SGCD: variants seen among roughly 807,000 people sequenced by gnomAD.
SGCD encodes the protein delta-sarcoglycan.
In SGCD, 18 loss-of-function variants were observed where a neutral mutation model predicts 36.6. The observed-to-expected ratio is 0.49, with a 90% CI of 0.34 to 0.73. SGCD has a LOEUF of 0.73. SGCD is among the 30% of genes least tolerant of loss of function. SGCD has a pLI of 0.01. For missense variants in SGCD, 387 were observed against 346.7 expected, an observed-to-expected ratio of 1.12 and a Z score of -0.92; for synonymous variants, 133 against 130.6, an observed-to-expected ratio of 1.02 and a Z score of -0.12.
At chr5:156,206,405 A>G (rs950711957) in intron 3 of SGCD, among the ~76,000 whole-genome samples, 5 of 152,038 alleles carry the variant, frequency 3.3e-5, no homozygotes, top group Admixed American at 1.3e-4. Flanking sequence ...ATGAATATAT[A>G]TAGAGTATTC....
intron 1 of SGCD, among the ~76,000 whole-genome samples, chr5:156,076,802 G>A (rs777574191): frequency 6.6e-6 from 1 of 152,188 alleles, no homozygotes; most frequent in Non-Finnish European, 1.5e-5. Flanking sequence ...AGGCTGTGTT[G>A]TAGAGCTCCC....
Position 156,234,078 on chromosome 5 carries a change from T to A in SGCD, c.-43-95456T>A, listed in dbSNP as rs1307062245. Reference sequence around the variant, plus strand: ...TTGGTGTTGTCAATGTTATGGACTTTAGCTATTCTAATAGGTGTTCGTTGT... The same window carrying A: ...TTGGTGTTGTCAATGTTATGGACTTAAGCTATTCTAATAGGTGTTCGTTGT... On this transcript the variant is annotated intron_variant, in intron 3 of 9. Transcript: ENST00000517913. Among the ~76,000 whole-genome samples, 4 of 152,340 alleles carry A rather than the reference T, an allele frequency of 2.6e-5. No individual in the cohort carries two copies. In the East Asian group the frequency reaches 7.7e-4, roughly 29 times the overall value.
chr5:156,197,142 G>C (rs1041663853), intron 3 of SGCD, among the ~76,000 whole-genome samples: 2 of 151,924 alleles, frequency 1.3e-5, no homozygotes, highest in Admixed American at 1.3e-4. Context: ...ATAAATCTTC[G>C]CATATATTCT....
At chr5:156,366,305 A>G (rs969248621) in intron 3 of SGCD, among the ~76,000 whole-genome samples, 4 of 152,250 alleles carry the variant, frequency 2.6e-5, no homozygotes, top group African/African-American at 9.6e-5. Context: ...AGAAAGGTTT[A>G]GAAAATTGAG....
chr5:156,507,090 T>G lies in SGCD; in HGVS notation c.193-1511T>G, dbSNP rs145952602. The stretch of plus-strand genomic sequence containing the variant: ...CCTCACTCCACCTCAAAGATGTTCA[T>G]GTATAATCTCAGAACCCATGAATGT... On this transcript the variant is annotated intron_variant, in intron 3 of 8. Coordinates refer to ENST00000337851, the MANE Select transcript of SGCD (RefSeq NM_000337.6). Among the ~76,000 whole-genome samples the G allele has an allele frequency of 1.4e-3, 217 of 152,298 alleles. 1 individual carries two copies. Among genetic ancestry groups the G allele is most frequent in the African/African-American group, 4.9e-3 (205 of 41,576 alleles).
At chr5:155,987,009 G>T (rs368017989) in intron 1 of SGCD, among the ~76,000 whole-genome samples, 1 of 152,074 alleles carries the variant, frequency 6.6e-6, no homozygotes, top group Non-Finnish European at 1.5e-5. Context: ...ATAAACAACC[G>T]TCTTAATGCA....
intron 3 of SGCD, among the ~76,000 whole-genome samples, chr5:156,235,411 G>T (rs1765130872): frequency 6.6e-6 from 1 of 152,150 alleles, no homozygotes; most frequent in Non-Finnish European, 1.5e-5. Flanking sequence ...TTGGTTTTTG[G>T]TTTGACGTGT....
intron 3 of SGCD, among the ~76,000 whole-genome samples, chr5:156,441,875 C>T (rs557560198): frequency 6.6e-6 from 1 of 152,238 alleles, no homozygotes; most frequent in South Asian, 2.1e-4. Flanking sequence ...TGCTCAGAGT[C>T]ACCTGAGGTG....
chr5:156,434,468 G>A (rs930625448), intron 3 of SGCD, among the ~76,000 whole-genome samples: 1 of 152,076 alleles, frequency 6.6e-6, no homozygotes, highest in African/African-American at 2.4e-5. Context: ...GCCCACTTAG[G>A]GAAGGGTAAC....
At chr5:156,556,120 G>GAAAAA (rs34927078) in intron 4 of SGCD, among the ~76,000 whole-genome samples, 1 of 134,276 alleles carries the variant, frequency 7.4e-6, no homozygotes, top group African/African-American at 2.7e-5. Flanking sequence ...ATACAGATAA[G>GAAAAA]AAAAAAAAAA....
At chr5:156,294,154 A>G (rs1474770280) in intron 3 of SGCD, among the ~76,000 whole-genome samples, 1 of 152,138 alleles carries the variant, frequency 6.6e-6, no homozygotes, top group Non-Finnish European at 1.5e-5. Context: ...TAAGTGCATA[A>G]AAATGCAAAT....
At position 156,211,336 on chromosome 5, in the gene SGCD, G is replaced by A. The variant is rs542951343; in HGVS notation, c.-44+87317G>A. ...CCTTAAAGATGCAAGGGCCAGGCGC[G>A]GTGGCTCAAGCCTGTAATCCCAGCA... On this transcript the variant is annotated intron_variant, in intron 3 of 9. Transcript: ENST00000517913. 1.1e-3 allele frequency among the ~76,000 whole-genome samples: 172 copies of A among 152,258 alleles called. 1 individual carries two copies. Among genetic ancestry groups the A allele is most frequent in the Middle Eastern group, 3.4e-3 (1 of 294 alleles).
chr5:155,842,186 C>A, the SGCD span, among the ~76,000 whole-genome samples: 1 of 150,654 alleles, frequency 6.6e-6, no homozygotes, highest in African/African-American at 2.4e-5. Flanking sequence ...TCTCTCTGGA[C>A]TACTTGATCA....
chr5:156,351,681 T>A (rs1281960255), intron 3 of SGCD, among the ~76,000 whole-genome samples: 1 of 152,060 alleles, frequency 6.6e-6, no homozygotes, highest in Non-Finnish European at 1.5e-5. Context: ...GGCACTACAC[T>A]GTCGCAGTTA....
chr5:156,088,480 G>T (rs1761157230), intron 1 of SGCD, among the ~76,000 whole-genome samples: 1 of 148,166 alleles, frequency 6.7e-6, no homozygotes, highest in Non-Finnish European at 1.5e-5. Flanking sequence ...CAGCAGGGCA[G>T]AGAAATAAGG....
chr5:156,766,954 A>T lies in SGCD; in HGVS notation c.*7564A>T, dbSNP rs1757602087. 1 of 152,184 alleles carries T rather than the reference A, an allele frequency of 6.6e-6. No individual in the cohort carries two copies. The highest frequency in any genetic ancestry group is 2.4e-5 in the African/African-American group (1 of 41,420). 9.4% of individuals were successfully genotyped at this position (152,184 alleles called of 1,614,324 possible). On this transcript the variant is annotated 3_prime_UTR_variant, in exon 9 of 9. Coordinates refer to ENST00000337851, the MANE Select transcript of SGCD (RefSeq NM_000337.6). The stretch of plus-strand genomic sequence containing the variant: ...GCTCCTCACCATACCCAAAAGACTC[A>T]GCCCCAGTGCCAGTGCTTTCCTGGT...
At chr5:156,119,045 T>A (rs1459071475) in intron 2 of SGCD, among the ~76,000 whole-genome samples, 1 of 152,160 alleles carries the variant, frequency 6.6e-6, no homozygotes, top group African/African-American at 2.4e-5. Context: ...CTGTGGTGAC[T>A]TGGTGCTGGG....
chr5:156,331,959 C>T (rs534993600), intron 2 of SGCD, among the ~76,000 whole-genome samples: 51 of 152,296 alleles, frequency 3.3e-4, no homozygotes, highest in East Asian at 1.7e-3. Context: ...CTAGCCCTTT[C>T]GCTCTTTCTT....
intron 1 of SGCD, among the ~76,000 whole-genome samples, chr5:156,030,401 A>G (rs760100750): frequency 2.0e-5 from 3 of 152,200 alleles, no homozygotes; most frequent in Non-Finnish European, 4.4e-5. Flanking sequence ...ATGCCAGGTG[A>G]CGGCAGAGGC....
Sources: gnomAD v4.1 joint callset for allele counts (sites outside exome capture counted in the v4.1 genomes callset) on GRCh38, gnomAD v4.1.1 for gene constraint, MANE v1.5 for transcripts, NCBI Gene and HGNC (gene_info 2026-07-23, HGNC 2026-07-21) for gene names.